The following SDCBP variants were observed in gnomAD, a reference collection of about 807,000 sequenced individuals.
SDCBP encodes the protein syndecan binding protein.
Under a neutral mutation model 30.5 loss-of-function variants are expected in SDCBP, and 22 were observed. The ratio of observed to expected loss-of-function variants is 0.72; its 90% CI spans 0.52 to 1.03. The LOEUF is 1.03. SDCBP is among the 50% of genes least tolerant of loss of function. The pLI is 0.00. For synonymous variants in SDCBP, 103 were observed against 118.7 expected, an observed-to-expected ratio of 0.87 and a Z score of 0.86; for missense variants, 304 against 369.9, an observed-to-expected ratio of 0.82 and a Z score of 1.46.
intron 5 of SDCBP, among the ~76,000 whole-genome samples, chr8:58,577,041 G>C (rs1022405457): frequency 2.0e-5 from 3 of 152,268 alleles, no homozygotes; most frequent in African/African-American, 4.8e-5. Context: ...TCAGGGAATA[G>C]AGTATACTGC....
At chr8:58,573,502 C>T (rs1805151667) in intron 4 of SDCBP, among the ~76,000 whole-genome samples, 1 of 152,116 alleles carries the variant, frequency 6.6e-6, no homozygotes, top group Non-Finnish European at 1.5e-5. Flanking sequence ...TTGGAGTTAG[C>T]AGAACCTAGA....
chr8:58,559,991 C>G (rs556585139), intron 1 of SDCBP, among the ~76,000 whole-genome samples: 8 of 152,208 alleles, frequency 5.3e-5, no homozygotes, highest in Non-Finnish European at 1.2e-4. Flanking sequence ...TTTCAGAGGT[C>G]TGCCCAAGGG....
At chr8:58,576,941 A>T (rs1178639389) in intron 5 of SDCBP, among the ~76,000 whole-genome samples, 1 of 152,178 alleles carries the variant, frequency 6.6e-6, no homozygotes, top group African/African-American at 2.4e-5. Flanking sequence ...GAGGCCATCG[A>T]TGATGGCCTT....
At chr8:58,561,233 T>C (rs893768640) in intron 1 of SDCBP, 1 of 152,176 alleles carries the variant, frequency 6.6e-6, no homozygotes, top group African/African-American at 2.4e-5. Flanking sequence ...AGAGTACTAA[T>C]GGGACAGCAT....
chr8:58,580,964 T>G (rs1805654937), intron 8 of SDCBP, among the ~76,000 whole-genome samples: 1 of 152,196 alleles, frequency 6.6e-6, no homozygotes, highest in Non-Finnish European at 1.5e-5. Flanking sequence ...TGGTTCGTAA[T>G]GGAGAATTCT....
At chr8:58,557,111 C>T (rs539291775) in intron 1 of SDCBP, among the ~76,000 whole-genome samples, 1 of 121,310 alleles carries the variant, frequency 8.2e-6, no homozygotes, top group Non-Finnish European at 1.6e-5. Flanking sequence ...ATATATTATA[C>T]TATTATATAC....
Position 58,557,111 on chromosome 8 carries a change from CTAT to C in SDCBP, c.-16+3812_-16+3814del, listed in dbSNP as rs973236147. On this transcript the variant is annotated intron_variant, in intron 1 of 8. Transcript: ENST00000260130. ...TTTATACCATATATTATATATTATACTATTATATACAATATAGTATATATTATA... is the reference window on the plus strand; with the variant it reads ...TTTATACCATATATTATATATTATACTATATACAATATAGTATATATTATA... Among the ~76,000 whole-genome samples, 5 of 121,296 alleles carry C rather than the reference CTAT, an allele frequency of 4.1e-5. No homozygotes were observed. The South Asian group carries it at 1.2e-3, about 30-fold the overall frequency. The allele number at this position is 121,296 out of a possible 152,430, so 79.6% of individuals were successfully genotyped here. A position where few individuals can be genotyped will look rare whatever the true frequency, so the allele number is the denominator to read the frequency against.
At chr8:58,554,157 T>C (rs1349560672) in intron 1 of SDCBP, among the ~76,000 whole-genome samples, 1 of 152,244 alleles carries the variant, frequency 6.6e-6, no homozygotes, top group Admixed American at 6.5e-5. Context: ...ACACATTTAC[T>C]GTTATCTTTT....
At chr8:58,556,274 G>A (rs1037034981) in intron 1 of SDCBP, among the ~76,000 whole-genome samples, 2 of 152,130 alleles carry the variant, frequency 1.3e-5, no homozygotes, top group African/African-American at 4.8e-5. Flanking sequence ...TAGATCCCTT[G>A]CATGCACAAT....
chr8:58,579,931 C>A, intron 7 of SDCBP, 137 bp downstream of exon 7: 2 of 695,444 alleles, frequency 2.9e-6, no homozygotes, highest in East Asian at 2.8e-5. Flanking sequence ...TTGGTCTGGC[C>A]AGTCACCGGA....
At chr8:58,566,690 G>C (rs1207901695) in intron 2 of SDCBP, among the ~76,000 whole-genome samples, 1 of 151,598 alleles carries the variant, frequency 6.6e-6, no homozygotes, top group Non-Finnish European at 1.5e-5. Flanking sequence ...TTGTTTTTTT[G>C]CATCATTTTC....
intron 3 of SDCBP, among the ~76,000 whole-genome samples, chr8:58,571,289 T>C (rs1805007708): frequency 6.6e-6 from 1 of 152,180 alleles, no homozygotes; most frequent in Admixed American, 6.5e-5. Context: ...AATTCACATT[T>C]AAGAACTATC....
chr8:58,564,066 A>G (rs902439808), intron 1 of SDCBP, among the ~76,000 whole-genome samples: 2 of 152,162 alleles, frequency 1.3e-5, no homozygotes, highest in Non-Finnish European at 2.9e-5. Flanking sequence ...TGAAGAGAAA[A>G]GCTCTTCCTC....
intron 8 of SDCBP, 137 bp from the exon 9 acceptor site, chr8:58,581,549 A>G (rs1805681131): frequency 1.5e-6 from 1 of 655,878 alleles, no homozygotes; most frequent in South Asian, 1.8e-5. Flanking sequence ...CTCATTTAAA[A>G]GATCTTTCCC....
intron 7 of SDCBP, 79 bp downstream of exon 7, chr8:58,579,873 T>C (rs1805585481): frequency 1.5e-6 from 2 of 1,360,594 alleles, no homozygotes; most frequent in African/African-American, 2.9e-5. Flanking sequence ...GGTGGCGCTG[T>C]TTTCATATTG....
chr8:58,570,021 A>G (rs1011376965), intron 2 of SDCBP, among the ~76,000 whole-genome samples: 3 of 152,198 alleles, frequency 2.0e-5, no homozygotes, highest in Non-Finnish European at 4.4e-5. Context: ...ACTACTATGA[A>G]CTTCATTTTT....
intron 8 of SDCBP, among the ~76,000 whole-genome samples, chr8:58,581,431 T>C (rs576163043): frequency 6.6e-6 from 1 of 152,322 alleles, no homozygotes; most frequent in East Asian, 1.9e-4. Flanking sequence ...AAAATCACCA[T>C]GTTTAATGCA....
chr8:58,571,058 G>A (rs1002375188), intron 3 of SDCBP, 93 bp downstream of exon 3: 1 of 892,358 alleles, frequency 1.1e-6, no homozygotes, highest in East Asian at 2.5e-5. Flanking sequence ...TTTTGGACAG[G>A]CTGCATAAAA....
At chr8:58,564,718 A>G (rs1294348585) in intron 1 of SDCBP, among the ~76,000 whole-genome samples, 1 of 152,226 alleles carries the variant, frequency 6.6e-6, no homozygotes, top group Admixed American at 6.5e-5. Flanking sequence ...AGTAAGTCAC[A>G]TAACTATTCT....
Sources: allele counts gnomAD v4.1 joint callset (sites outside exome capture counted in the v4.1 genomes callset), GRCh38; gene constraint gnomAD v4.1.1; transcripts MANE v1.5; gene names NCBI Gene and HGNC (gene_info 2026-07-23, HGNC 2026-07-21).